The following MGAT4C variants were observed in gnomAD, a reference collection of about 807,000 sequenced individuals.
The protein encoded by MGAT4C is MGAT4 family member C.
In MGAT4C, 19 loss-of-function variants were observed where a neutral mutation model predicts 40.1. The observed-to-expected ratio is 0.47, with a 90% CI of 0.33 to 0.70. MGAT4C has a LOEUF of 0.70. MGAT4C is among the 30% of genes least tolerant of loss of function. MGAT4C has a pLI of 0.02. For missense variants in MGAT4C, 491 were observed against 563.2 expected (o/e 0.87, Z 1.30); for synonymous variants, 181 against 187.1 (o/e 0.97, Z 0.27).
At chr12:86,199,065 T>C (rs991281631) in intron 1 of MGAT4C, among the ~76,000 whole-genome samples, 1 of 152,220 alleles carries the variant, frequency 6.6e-6, no homozygotes, top group African/African-American at 2.4e-5. Context: ...GCTGAATTGA[T>C]CTATTCTGAA....
intron 2 of MGAT4C, among the ~76,000 whole-genome samples, chr12:86,606,346 C>T (rs901901012): frequency 2.3e-4 from 35 of 152,126 alleles, no homozygotes; most frequent in South Asian, 2.3e-3. Flanking sequence ...AATGTTATTG[C>T]GGTGTGGACG....
At chr12:86,130,682 G>GT (rs1881045765) in intron 1 of MGAT4C, among the ~76,000 whole-genome samples, 3 of 151,874 alleles carry the variant, frequency 2.0e-5, no homozygotes, top group African/African-American at 7.2e-5. Context: ...TCTGAAATAG[G>GT]TATGAGCTTA....
chr12:86,782,333 C>T (rs1034494358), intron 1 of MGAT4C, among the ~76,000 whole-genome samples: 2 of 151,748 alleles, frequency 1.3e-5, no homozygotes, highest in African/African-American at 4.8e-5. Context: ...AGGCGCCCGC[C>T]ACTACGCCCG....
chr12:86,576,611 G>A (rs1960568061), intron 2 of MGAT4C, among the ~76,000 whole-genome samples: 1 of 151,830 alleles, frequency 6.6e-6, no homozygotes, highest in African/African-American at 2.4e-5. Context: ...TGCCAGCTTT[G>A]TCAAAAATGA....
At chr12:86,585,651 A>G (rs982783082) in intron 2 of MGAT4C, among the ~76,000 whole-genome samples, 4 of 150,884 alleles carry the variant, frequency 2.7e-5, no homozygotes, top group African/African-American at 9.7e-5. Flanking sequence ...ATATTGTATT[A>G]TCACTTGTCT....
intron 1 of MGAT4C, among the ~76,000 whole-genome samples, chr12:86,161,980 T>C (rs942928148): frequency 6.6e-6 from 1 of 152,042 alleles, no homozygotes; most frequent in Non-Finnish European, 1.5e-5. Context: ...CAGCTATTAT[T>C]AAGAAGTAAA....
At chr12:86,211,339 G>C (rs1950452702) in intron 1 of MGAT4C, among the ~76,000 whole-genome samples, 1 of 136,556 alleles carries the variant, frequency 7.3e-6, no homozygotes, top group South Asian at 2.5e-4. Flanking sequence ...GAGATGGGCG[G>C]ATCATGAGGT....
intron 1 of MGAT4C, among the ~76,000 whole-genome samples, chr12:86,783,393 C>T (rs1350617777): frequency 6.6e-6 from 1 of 151,410 alleles, no homozygotes; most frequent in Non-Finnish European, 1.5e-5. Flanking sequence ...AATTATCTCT[C>T]ACAACCCAGA....
At chr12:86,667,959 T>A (rs1964157001) in intron 2 of MGAT4C, among the ~76,000 whole-genome samples, 1 of 152,350 alleles carries the variant, frequency 6.6e-6, no homozygotes, top group African/African-American at 2.4e-5. Context: ...GTCTGAAATT[T>A]GTTTCTAAGA....
chr12:86,496,614 A>G (rs1958241034), intron 2 of MGAT4C, among the ~76,000 whole-genome samples: 1 of 152,062 alleles, frequency 6.6e-6, no homozygotes, highest in African/African-American at 2.4e-5. Context: ...GTTGTTTTCA[A>G]GAAAGAGAAG....
rs542012826 is a variant in MGAT4C at position 86,129,031 on chromosome 12, T to C, written c.-56-79308A>G. Among the ~76,000 whole-genome samples the C allele has an allele frequency of 5.3e-5, 8 of 152,290 alleles. No homozygotes were observed. In the South Asian group the frequency reaches 1.7e-3, roughly 32 times the overall value. ...CTCTATTATGTTCCATTGGTCTATG[T>C]GCCTACATTCACCTCTGAGCAAGAG... On this transcript the variant is annotated intron_variant, in intron 1 of 4. Transcript: ENST00000611864.
At chr12:86,326,342 T>A (rs1954528270) in intron 4 of MGAT4C, among the ~76,000 whole-genome samples, 1 of 151,304 alleles carries the variant, frequency 6.6e-6, no homozygotes, top group South Asian at 2.1e-4. Context: ...ACGGTAATTA[T>A]GTAAGGTGAT....
At chr12:86,538,259 T>C (rs1194030466) in intron 2 of MGAT4C, among the ~76,000 whole-genome samples, 1 of 152,108 alleles carries the variant, frequency 6.6e-6, no homozygotes, top group Non-Finnish European at 1.5e-5. Context: ...TTTTTCAGAG[T>C]TAAGAAGAGA....
chr12:86,636,026 T>C (rs1264417083), intron 2 of MGAT4C, among the ~76,000 whole-genome samples: 3 of 151,956 alleles, frequency 2.0e-5, no homozygotes, highest in African/African-American at 7.2e-5. Flanking sequence ...ATACTTGCCA[T>C]TGTGTTACAA....
intron 4 of MGAT4C, among the ~76,000 whole-genome samples, chr12:86,316,796 C>T (rs1954246424): frequency 6.6e-6 from 1 of 152,046 alleles, no homozygotes; most frequent in Admixed American, 6.6e-5. Context: ...ATCAATCATA[C>T]CATAAACCTC....
intron 1 of MGAT4C, among the ~76,000 whole-genome samples, chr12:86,120,173 A>G (rs1288530516): frequency 1.3e-5 from 2 of 150,866 alleles, no homozygotes; most frequent in African/African-American, 4.9e-5. Context: ...AGAAAAAAAT[A>G]TATATATAAA....
intron 1 of MGAT4C, among the ~76,000 whole-genome samples, chr12:86,145,969 CATTAT>C (rs904164092): frequency 1.2e-4 from 18 of 152,078 alleles, no homozygotes; most frequent in African/African-American, 4.1e-4. Flanking sequence ...GCAGATCAAA[CATTAT>C]ATTATAACTA....
chr12:86,238,666 G>T (rs947960877), intron 1 of MGAT4C, among the ~76,000 whole-genome samples: 1 of 151,960 alleles, frequency 6.6e-6, no homozygotes, highest in Non-Finnish European at 1.5e-5. Context: ...ATAAAATATA[G>T]AATTATTTAT....
chr12:86,588,064 A>C, intron 2 of MGAT4C, among the ~76,000 whole-genome samples: 1 of 151,944 alleles, frequency 6.6e-6, no homozygotes, highest in Non-Finnish European at 1.5e-5. Flanking sequence ...GTGCCCATTC[A>C]GTATGATATT....
Sources: allele counts gnomAD v4.1 joint callset (sites outside exome capture counted in the v4.1 genomes callset), GRCh38; gene constraint gnomAD v4.1.1; transcripts MANE v1.5; gene names NCBI Gene and HGNC (gene_info 2026-07-23, HGNC 2026-07-21).